MAJIN: variants seen among roughly 807,000 people sequenced by gnomAD.
MAJIN encodes membrane-anchored junction protein.
In MAJIN, 27 loss-of-function variants were observed where a neutral mutation model predicts 30.2. The observed-to-expected ratio is 0.89, with a 90% CI of 0.66 to 1.23. MAJIN has a LOEUF of 1.23. Among genes scored for constraint, MAJIN ranks in the 50% most tolerant of loss-of-function variants. MAJIN has a pLI of 0.00. For synonymous variants in MAJIN, 78 were observed against 91.6 expected (o/e 0.85, Z 0.85); for missense variants, 253 against 260.3 (o/e 0.97, Z 0.19).
chr11:64,949,761 G>A lies in MAJIN; in HGVS notation c.331C>T (p.His111Tyr). The A allele has an allele frequency of 1.2e-6, 2 of 1,612,974 alleles. No individual in the cohort carries two copies. Among genetic ancestry groups the A allele is most frequent in the Non-Finnish European group, 1.7e-6 (2 of 1,179,932 alleles). Residue 111 changes from histidine (H) to tyrosine (Y), a missense_variant, in exon 6 of 11, where the codon CAT becomes TAT. His to Tyr is a moderately conservative substitution (Grantham distance 83, BLOSUM62 2). Transcript: ENST00000301896. ...CACTTACCAGGTGACAGGTTTTCAT[G>A]GAACCATTTCATCTCCACATATAGA... ...FTLYVEMKWF[H>Y]ENLSPGKPIS...
chr11:64,943,785 G>C (rs1945410822), intron 8 of MAJIN, among the ~76,000 whole-genome samples: 1 of 152,180 alleles, frequency 6.6e-6, no homozygotes, highest in Non-Finnish European at 1.5e-5. Flanking sequence ...AGATACAAAG[G>C]GTAGAGAGCG....
In MAJIN at chr11:64,959,220, G is replaced by A. The variant is rs941472281; in HGVS notation, c.101+85C>T. 2.8e-6 allele frequency: 3 copies of A among 1,054,238 alleles called. No individual in the cohort carries two copies. The African/African-American group carries it at 4.7e-5, about 17-fold the overall frequency. The allele number at this position is 1,054,238 out of a possible 1,614,324, so 65.3% of individuals were successfully genotyped here. On this transcript the variant is annotated intron_variant, in intron 3 of 10. Coordinates refer to ENST00000301896, the MANE Select transcript of MAJIN (RefSeq NM_001037225.3). Reference sequence around the variant, plus strand: ...CTACTTTACCAGTCTCCTGAACTGGGTGAAGGTAAAGAAGAGGTGACCTGT... The same window carrying A: ...CTACTTTACCAGTCTCCTGAACTGGATGAAGGTAAAGAAGAGGTGACCTGT...
intron 8 of MAJIN, among the ~76,000 whole-genome samples, chr11:64,942,222 TTC>T (rs957085283): frequency 8.6e-5 from 13 of 151,952 alleles, no homozygotes; most frequent in African/African-American, 3.1e-4. Flanking sequence ...TGGTGAAGAG[TTC>T]TTTTTTTTTT....
intron 10 of MAJIN, 78 bp downstream of exon 10, chr11:64,939,584 A>T: frequency 7.8e-7 from 1 of 1,286,012 alleles, no homozygotes; most frequent in South Asian, 1.3e-5. Context: ...TTTCTTTTCT[A>T]TTCTAATTTC....
At chr11:64,941,029 AG>A (rs1945370980) in intron 8 of MAJIN, among the ~76,000 whole-genome samples, 2 of 151,302 alleles carry the variant, frequency 1.3e-5, no homozygotes, top group Non-Finnish European at 2.9e-5. Context: ...TAGTAGAGAC[AG>A]GGTTTCACCG....
intron 3 of MAJIN, 63 bp from the exon 4 acceptor site, chr11:64,954,865 C>T (rs895869611): frequency 7.8e-6 from 11 of 1,405,250 alleles, no homozygotes; most frequent in East Asian, 2.3e-5. Context: ...AGAGTAGACT[C>T]TACTAGGGCA....
In MAJIN at chr11:64,959,387, T is replaced by C. The variant is rs1342766340; in HGVS notation, c.19A>G (p.Thr7Ala). 6.2e-7 allele frequency: 1 copy of C among 1,613,648 alleles called. No homozygotes were observed. Among genetic ancestry groups the C allele is most frequent in the African/African-American group, 1.3e-5 (1 of 74,992 alleles). MSLKPF[T>A]YPFPETRFLH... ...AACCTCGTCTCTGGAAACGGGTAGG[T>C]AAAGGGTTTTAAACTCATTGCTCCC... The change falls in exon 3 of 11, where the codon ACC (threonine) becomes GCC (alanine). Residue 7 changes from threonine (T) to alanine (A), a missense_variant. Thr to Ala is a moderately conservative substitution (Grantham distance 58, BLOSUM62 0). Coordinates refer to ENST00000301896, the MANE Select transcript of MAJIN (RefSeq NM_001037225.3).
At chr11:64,941,394 G>C (rs1230054098) in intron 8 of MAJIN, among the ~76,000 whole-genome samples, 1 of 152,146 alleles carries the variant, frequency 6.6e-6, no homozygotes, top group East Asian at 1.9e-4. Flanking sequence ...GGTGACTCAT[G>C]CCTGTAATCC....
At chr11:64,956,311 T>C (rs1001897382) in intron 3 of MAJIN, among the ~76,000 whole-genome samples, 10 of 149,818 alleles carry the variant, frequency 6.7e-5, no homozygotes, top group African/African-American at 2.5e-4. Flanking sequence ...AATAAATAAA[T>C]AAATAAATAA....
At chr11:64,946,105 AG>A in intron 8 of MAJIN, 2 of 1,535,278 alleles carry the variant, frequency 1.3e-6, no homozygotes, top group Non-Finnish European at 1.7e-6. Context: ...TGGTTTCCAC[AG>A]GGGGCTTCTT....
chr11:64,953,745 C>A (rs1408118892), intron 4 of MAJIN, among the ~76,000 whole-genome samples: 3 of 152,102 alleles, frequency 2.0e-5, no homozygotes, highest in Non-Finnish European at 4.4e-5. Flanking sequence ...GAGCCAAAAT[C>A]GTGCCACTGC....
chr11:64,969,037 T>G (rs1945856248), intron 1 of MAJIN, among the ~76,000 whole-genome samples: 1 of 152,176 alleles, frequency 6.6e-6, no homozygotes, highest in African/African-American at 2.4e-5. Flanking sequence ...TGAGATATAC[T>G]TTAGACTAAC....
At chr11:64,950,008 T>A in intron 5 of MAJIN, 140 bp from the exon 6 acceptor site, 1 of 1,207,752 alleles carries the variant, frequency 8.3e-7, no homozygotes. Context: ...GAGTCTAAAA[T>A]GTGAGCTGTA....
chr11:64,950,484 GT>G, intron 4 of MAJIN, 54 bp from the exon 5 acceptor site: 3 of 1,511,952 alleles, frequency 2.0e-6, no homozygotes, highest in Non-Finnish European at 2.7e-6. Context: ...GCCAGTCTTT[GT>G]TTATATTTGT....
At chr11:64,964,017 C>A (rs1945768062) in intron 1 of MAJIN, among the ~76,000 whole-genome samples, 1 of 152,206 alleles carries the variant, frequency 6.6e-6, no homozygotes, top group Non-Finnish European at 1.5e-5. Flanking sequence ...GATCTCAGCT[C>A]ACTGCAACCT....
chr11:64,943,388 G>A (rs1404816169), intron 8 of MAJIN, among the ~76,000 whole-genome samples: 2 of 152,170 alleles, frequency 1.3e-5, no homozygotes, highest in Non-Finnish European at 2.9e-5. Context: ...ACAGAGGTAC[G>A]TGTTATATTC....
At position 64,970,202 on chromosome 11, in the gene MAJIN, A is replaced by G. The variant is rs945947445; in HGVS notation, c.-65+1675T>C. On this transcript the variant is annotated intron_variant, in intron 1 of 10. Coordinates refer to ENST00000301896, the MANE Select transcript of MAJIN (RefSeq NM_001037225.3). ...AACATGGTGAAACCCCATCTCTACT[A>G]AAAATACAAAATTAGCCAGGTGTGG... Among the ~76,000 whole-genome samples the G allele has an allele frequency of 4.1e-5, 4 of 97,234 alleles. No homozygotes were observed. The South Asian group carries it at 8.3e-4, about 20-fold the overall frequency. 63.8% of individuals were successfully genotyped at this position (97,234 alleles called of 152,430 possible).
intron 4 of MAJIN, 34 bp from the exon 5 acceptor site, chr11:64,950,464 T>G: frequency 6.3e-7 from 1 of 1,581,444 alleles, no homozygotes; most frequent in Non-Finnish European, 8.7e-7. Flanking sequence ...TTTAACACTG[T>G]TGAGTCTCAG....
At chr11:64,948,602 CATATATATATATATATATATAT>C (rs1554970962) in intron 6 of MAJIN, among the ~76,000 whole-genome samples, 20 of 19,418 alleles carry the variant, frequency 1.0e-3, no homozygotes, top group Admixed American at 7.0e-3. Context: ...CGGGCTACAT[CATATATATATATATATATATAT>C]ATATATATAT....
Sources: allele counts gnomAD v4.1 joint callset (sites outside exome capture counted in the v4.1 genomes callset), GRCh38; gene constraint gnomAD v4.1.1; transcripts MANE v1.5; gene names NCBI Gene and HGNC (gene_info 2026-07-23, HGNC 2026-07-21).